RBFOX1: variants seen among roughly 807,000 people sequenced by gnomAD.
RBFOX1 encodes the protein RNA binding protein fox-1 homolog 1.
In RBFOX1, 8 loss-of-function variants were observed where a neutral mutation model predicts 57.7. The ratio of observed to expected loss-of-function variants is 0.14; its 90% CI spans 0.08 to 0.25. The LOEUF (loss-of-function observed/expected upper bound fraction) is 0.25. RBFOX1 is among the 10% of genes least tolerant of loss of function. RBFOX1 has a pLI of 1.00. For synonymous variants in RBFOX1, 326 were observed against 222.4 expected, an observed-to-expected ratio of 1.47 and a Z score of -4.15; for missense variants, 611 against 548.5, an observed-to-expected ratio of 1.11 and a Z score of -1.14.
At chr16:6,216,662 A>G (rs1045693184) in intron 1 of RBFOX1, among the ~76,000 whole-genome samples, 1 of 152,104 alleles carries the variant, frequency 6.6e-6, no homozygotes, top group South Asian at 2.1e-4. Context: ...TTCTTTCTTT[A>G]TTTTTTATTT....
chr16:5,805,318 C>T (rs979325673), intron 3 of RBFOX1, among the ~76,000 whole-genome samples: 3 of 152,114 alleles, frequency 2.0e-5, no homozygotes, highest in African/African-American at 4.8e-5. Flanking sequence ...TTTACCAACT[C>T]GTGTGTCACA....
At chr16:7,157,071 T>G (rs2077300686) in intron 4 of RBFOX1, among the ~76,000 whole-genome samples, 1 of 152,188 alleles carries the variant, frequency 6.6e-6, no homozygotes, top group Admixed American at 6.5e-5. Context: ...TTATACTTGA[T>G]TATGCTACTA....
chr16:5,269,421 A>G (rs1179146517), intron 1 of RBFOX1, among the ~76,000 whole-genome samples: 4 of 152,280 alleles, frequency 2.6e-5, no homozygotes, highest in Non-Finnish European at 4.4e-5. Context: ...TTGTACATGA[A>G]TAATTACATT....
chr16:7,091,279 T>G lies in RBFOX1; in HGVS notation c.27+39181T>G, dbSNP rs78305781. On this transcript the variant is annotated intron_variant, in intron 4 of 15. Transcript: ENST00000550418. Reference sequence around the variant, plus strand: ...TAATTTTAACTTTACTTTTTTTTTTTGTTACAAATTTGGTGTTCCATTTAT... The same window carrying G: ...TAATTTTAACTTTACTTTTTTTTTTGGTTACAAATTTGGTGTTCCATTTAT... 1.3e-4 allele frequency among the ~76,000 whole-genome samples: 19 copies of G among 149,640 alleles called. No homozygotes were observed. In the South Asian group the frequency reaches 3.4e-3, roughly 27 times the overall value.
chr16:5,797,804 C>T (rs1476543461), intron 3 of RBFOX1, among the ~76,000 whole-genome samples: 1 of 152,102 alleles, frequency 6.6e-6, no homozygotes, highest in Non-Finnish European at 1.5e-5. Context: ...TTAATTATTA[C>T]ACTGACCTGA....
chr16:6,918,164 C>G (rs932258604), intron 3 of RBFOX1, among the ~76,000 whole-genome samples: 4 of 151,928 alleles, frequency 2.6e-5, no homozygotes, highest in African/African-American at 7.3e-5. Flanking sequence ...AGCCTGTAGT[C>G]CCAGCTACTA....
intron 4 of RBFOX1, among the ~76,000 whole-genome samples, chr16:7,470,591 G>T (rs146722039): frequency 3.4e-4 from 51 of 152,060 alleles, no homozygotes; most frequent in African/African-American, 1.2e-3. Context: ...TGGATGGATG[G>T]GCGGATGGAT....
intron 3 of RBFOX1, among the ~76,000 whole-genome samples, chr16:6,918,066 C>T (rs150616137): frequency 0.01 from 1,584 of 152,184 alleles, 35 homozygotes; most frequent in African/African-American, 0.036. Flanking sequence ...GCGGGTGGAT[C>T]GCTTGAGGTC....
intron 4 of RBFOX1, among the ~76,000 whole-genome samples, chr16:7,122,461 G>A (rs923923168): frequency 6.6e-6 from 1 of 151,974 alleles, no homozygotes; most frequent in Non-Finnish European, 1.5e-5. Context: ...ACAAAAAACC[G>A]TGAAAAGGTA....
At chr16:6,989,510 C>T (rs963188952) in intron 3 of RBFOX1, among the ~76,000 whole-genome samples, 1 of 152,096 alleles carries the variant, frequency 6.6e-6, no homozygotes, top group African/African-American at 2.4e-5. Context: ...TTTAGATAAA[C>T]TGATTTATTA....
intron 4 of RBFOX1, among the ~76,000 whole-genome samples, chr16:7,134,149 A>G (rs1442299975): frequency 6.6e-6 from 1 of 152,162 alleles, no homozygotes; most frequent in South Asian, 2.1e-4. Context: ...AACGGTGGTC[A>G]GCAGAGAGGG....
chr16:5,769,866 T>C (rs1351732577), intron 3 of RBFOX1, among the ~76,000 whole-genome samples: 1 of 152,138 alleles, frequency 6.6e-6, no homozygotes, highest in Non-Finnish European at 1.5e-5. Context: ...GCCACCCAAT[T>C]TGTGGTACTT....
At chr16:6,882,835 AG>A (rs1285821610) in intron 3 of RBFOX1, among the ~76,000 whole-genome samples, 2 of 151,992 alleles carry the variant, frequency 1.3e-5, no homozygotes, top group African/African-American at 2.4e-5. Flanking sequence ...CCCTTTTCAG[AG>A]GCTTTATGTT....
chr16:5,392,987 G>C (rs576403901), intron 1 of RBFOX1, among the ~76,000 whole-genome samples: 51 of 152,210 alleles, frequency 3.4e-4, no homozygotes, highest in African/African-American at 1.1e-3. Flanking sequence ...GTGTTGAGTG[G>C]GATGTGGTAC....
chr16:6,938,520 G>T (rs1366311821), intron 3 of RBFOX1, among the ~76,000 whole-genome samples: 1 of 152,090 alleles, frequency 6.6e-6, no homozygotes, highest in African/African-American at 2.4e-5. Context: ...ATTAAATAAG[G>T]TAAATGCCTA....
At chr16:5,699,792 C>G (rs915973512) in intron 3 of RBFOX1, among the ~76,000 whole-genome samples, 3 of 152,152 alleles carry the variant, frequency 2.0e-5, no homozygotes, top group African/African-American at 7.2e-5. Context: ...GATAAGATGG[C>G]ATGGATTTTA....
chr16:7,510,509 GT>G (rs750433879), intron 4 of RBFOX1, among the ~76,000 whole-genome samples: 338 of 150,632 alleles, frequency 2.2e-3, no homozygotes, highest in Middle Eastern at 3.4e-3. Flanking sequence ...GTGTGTGTGT[GT>G]GGGCGCGCGC....
At chr16:7,332,374 T>C (rs1431343272) in intron 4 of RBFOX1, among the ~76,000 whole-genome samples, 1 of 152,210 alleles carries the variant, frequency 6.6e-6, no homozygotes, top group African/African-American at 2.4e-5. Context: ...GCTGGTAGTT[T>C]TATCTTATTT....
At chr16:7,396,028 G>T (rs1303076376) in intron 4 of RBFOX1, among the ~76,000 whole-genome samples, 3 of 152,142 alleles carry the variant, frequency 2.0e-5, no homozygotes, top group African/African-American at 7.2e-5. Flanking sequence ...TGGAGAGGAG[G>T]CTCTTTCTGG....
Sources: allele counts gnomAD v4.1 joint callset (sites outside exome capture counted in the v4.1 genomes callset), GRCh38; gene constraint gnomAD v4.1.1; transcripts MANE v1.5; gene names NCBI Gene and HGNC (gene_info 2026-07-23, HGNC 2026-07-21).